Variants in COL6A6 observed in about 807,000 individuals in gnomAD.
COL6A6 encodes collagen type VI alpha 6 chain, also known as collagen alpha-6(VI) chain.
Under a neutral mutation model 208.6 loss-of-function variants are expected in COL6A6, and 183 were observed. The ratio of observed to expected loss-of-function variants is 0.88; its 90% CI spans 0.78 to 0.99. The LOEUF is 0.99. COL6A6 is among the 50% of genes least tolerant of loss of function. The probability of loss-of-function intolerance (pLI) is 0.00; values close to 1 mark genes in which losing one functional copy is unlikely to be tolerated. For synonymous variants in COL6A6, 973 were observed against 1,011.8 expected (o/e 0.96, Z 0.73); for missense variants, 2,816 against 2,815.2 (o/e 1.00, Z -0.01).
chr3:130,665,154 T>C lies in COL6A6; in HGVS notation c.6596+58T>C, dbSNP rs560369725. 8 of 1,151,978 alleles carry C rather than the reference T, an allele frequency of 6.9e-6. No individual in the cohort carries two copies. In the African/African-American group the frequency reaches 1.1e-4, roughly 16 times the overall value. The allele number at this position is 1,151,978 out of a possible 1,614,324, so 71.4% of individuals were successfully genotyped here. ...GAATGCCCCCTGCCTTTCTTCTATT[T>C]TCCTCCTCCTCCTTTTCTTGCTTTT... On this transcript the variant is annotated intron_variant, in intron 36 of 36. Transcript: ENST00000358511.
In COL6A6 at chr3:130,568,059, T is replaced by C. The variant is rs1378369836; in HGVS notation, c.1856T>C (p.Met619Thr). ...EICTEEACKE[M>T]KADIMFLVDS... ...TTTTCCTATGCAGCTTGCAAAGAGA[T>C]GAAAGCTGACATCATGTTTCTGGTG... is the stretch of plus-strand genomic sequence containing the variant. Residue 619 changes from methionine (M) to threonine (T), a missense_variant, in exon 6 of 37, where the codon ATG becomes ACG. Met to Thr is a moderately conservative substitution (Grantham distance 81). Coordinates refer to ENST00000358511, the MANE Select transcript of COL6A6 (RefSeq NM_001102608.3). The C allele has an allele frequency of 1.2e-6, 2 of 1,608,162 alleles. No individual in the cohort carries two copies. Among genetic ancestry groups the C allele is most frequent in the East Asian group, 2.2e-5 (1 of 44,856 alleles).
At chr3:130,518,145 C>T (rs899222241) in intron 1 of COL6A6, among the ~76,000 whole-genome samples, 2 of 152,116 alleles carry the variant, frequency 1.3e-5, no homozygotes, top group African/African-American at 2.4e-5. Flanking sequence ...AAAGTCTACT[C>T]TATGGATATA....
intron 21 of COL6A6, among the ~76,000 whole-genome samples, chr3:130,608,515 ATATT>A (rs2064252741): frequency 6.6e-6 from 1 of 152,112 alleles, no homozygotes; most frequent in Non-Finnish European, 1.5e-5. Flanking sequence ...TTGAATATAA[ATATT>A]AATATAATCG....
At position 130,594,287 on chromosome 3, in the gene COL6A6, C is replaced by T; in HGVS notation, c.4477C>T (p.Pro1493Ser). 1.9e-6 allele frequency: 3 copies of T among 1,611,856 alleles called. No individual in the cohort carries two copies. The South Asian group carries it at 3.3e-5, about 18-fold the overall frequency. ...EKGDEGSQGS[P>S]GKRGTPGDRG... The stretch of plus-strand genomic sequence containing the variant: ...TGATTTGTATTAACTTTAGGGAAGC[C>T]CAGGGAAGAGAGGGACTCCTGGTGA... The change falls in exon 18 of 37, where the codon CCA becomes TCA. Residue 1493 changes from proline (P) to serine (S), a missense_variant. Pro to Ser is a moderately conservative substitution (Grantham distance 74). Coordinates refer to ENST00000358511, the MANE Select transcript of COL6A6 (RefSeq NM_001102608.3).
intron 36 of COL6A6, among the ~76,000 whole-genome samples, chr3:130,667,457 TTGAACTCCTGGCCTCAGG>T (rs1256291408): frequency 6.6e-6 from 1 of 152,186 alleles, no homozygotes; most frequent in Non-Finnish European, 1.5e-5. Context: ...CAGGCTGGTC[TTGAACTCCTGGCCTCAGG>T]TGATCCACCC....
chr3:130,667,981 A>T (rs1327812099), intron 36 of COL6A6, among the ~76,000 whole-genome samples: 1 of 151,784 alleles, frequency 6.6e-6, no homozygotes, highest in Non-Finnish European at 1.5e-5. Context: ...AAAATAGGAT[A>T]AAAAAACAAC....
chr3:130,544,367 T>C (rs559075544), intron 1 of COL6A6, among the ~76,000 whole-genome samples: 1 of 152,228 alleles, frequency 6.6e-6, no homozygotes, highest in Non-Finnish European at 1.5e-5. Context: ...ATAATATTCC[T>C]CTCTCTTTCT....
At chr3:130,670,757 C>G (rs1440441344) in intron 36 of COL6A6, among the ~76,000 whole-genome samples, 3 of 152,258 alleles carry the variant, frequency 2.0e-5, no homozygotes, top group Non-Finnish European at 4.4e-5. Context: ...CTGCAACACT[C>G]TAGAGCAAGT....
rs1190046499 is a variant in COL6A6, at chr3:130,567,079, T to C, written c.1660T>C (p.Leu554=). The change falls in exon 5 of 37, where the codon TTG becomes CTG. Residue 554 remains leucine, a synonymous_variant. Transcript: ENST00000358511. ...AAATGGCATGTCCAAGGATAGCATC[T>C]TGGAGCCTGCAAACAGACTGAGAGA... ...LTNGMSKDSI[L]EPANRLREEH... 7 of 1,614,018 alleles carry C rather than the reference T, an allele frequency of 4.3e-6. No homozygotes were observed. The highest frequency in any genetic ancestry group is 5.9e-6 in the Non-Finnish European group (7 of 1,179,886).
At chr3:130,640,667 C>T (rs887898724) in intron 28 of COL6A6, among the ~76,000 whole-genome samples, 7 of 151,816 alleles carry the variant, frequency 4.6e-5, no homozygotes, top group African/African-American at 1.7e-4. Flanking sequence ...AGAAATATTC[C>T]AATTTTTAAA....
Position 130,525,438 on chromosome 3 carries a change from T to C in COL6A6, c.-32+8041T>C, listed in dbSNP as rs140408735. On this transcript the variant is annotated intron_variant, in intron 1 of 36. Transcript: ENST00000358511. ...GGGACTTGGATCTCTGTTATTGAAA[T>C]TGACTTTAGTAAATATTTTCAAAAG... 3.3e-5 allele frequency among the ~76,000 whole-genome samples: 5 copies of C among 152,350 alleles called. No homozygotes were observed. The East Asian group carries it at 5.8e-4, about 18-fold the overall frequency.
intron 3 of COL6A6, among the ~76,000 whole-genome samples, chr3:130,564,696 T>G (rs556681218): frequency 6.6e-6 from 1 of 152,262 alleles, no homozygotes; most frequent in Non-Finnish European, 1.5e-5. Context: ...TATGGTTCAC[T>G]GAATGAATTT....
At chr3:130,521,610 A>G (rs973423382) in intron 1 of COL6A6, among the ~76,000 whole-genome samples, 2 of 152,196 alleles carry the variant, frequency 1.3e-5, no homozygotes, top group South Asian at 2.1e-4. Flanking sequence ...GGCCCTGCCC[A>G]TATTTTCCCA....
intron 23 of COL6A6, among the ~76,000 whole-genome samples, chr3:130,612,048 C>T (rs1006565860): frequency 6.6e-6 from 1 of 152,070 alleles, no homozygotes; most frequent in African/African-American, 2.4e-5. Context: ...TTTTTCTGTT[C>T]CTGTGGTAGT....
At chr3:130,636,172 A>G (rs1419210668) in intron 28 of COL6A6, among the ~76,000 whole-genome samples, 1 of 152,194 alleles carries the variant, frequency 6.6e-6, no homozygotes, top group Non-Finnish European at 1.5e-5. Context: ...TTTTAATGAG[A>G]TACATGCAGA....
chr3:130,525,417 C>T (rs1225258207), intron 1 of COL6A6, among the ~76,000 whole-genome samples: 2 of 152,196 alleles, frequency 1.3e-5, no homozygotes, highest in East Asian at 1.9e-4. Flanking sequence ...CGCTCAGGGA[C>T]TTGGATCTCT....
At chr3:130,652,999 G>A (rs961536204) in intron 33 of COL6A6, among the ~76,000 whole-genome samples, 2 of 152,218 alleles carry the variant, frequency 1.3e-5, no homozygotes, top group Admixed American at 6.5e-5. Flanking sequence ...TGTGATCACC[G>A]TCTTGGAAGT....
rs193054591 is a variant in COL6A6 at position 130,536,227 on chromosome 3, T to A, written c.-32+18830T>A. Among the ~76,000 whole-genome samples the A allele has an allele frequency of 7.2e-5, 11 of 152,330 alleles. No individual in the cohort carries two copies. The East Asian group carries it at 2.1e-3, about 29-fold the overall frequency. On this transcript the variant is annotated intron_variant, in intron 1 of 36. Transcript: ENST00000358511. ...TCTACACATAACCAAATTCTGTTCA[T>A]CCTTTAAAGTCACACTCAAGTCTCA...
At chr3:130,587,859 C>T (rs1387912306) in intron 11 of COL6A6, among the ~76,000 whole-genome samples, 1 of 152,038 alleles carries the variant, frequency 6.6e-6, no homozygotes, top group Non-Finnish European at 1.5e-5. Context: ...AGTGTTTTTA[C>T]AAAATGTGTC....
Sources: allele counts gnomAD v4.1 joint callset (sites outside exome capture counted in the v4.1 genomes callset), GRCh38; gene constraint gnomAD v4.1.1; transcripts MANE v1.5; gene names NCBI Gene and HGNC (gene_info 2026-07-23, HGNC 2026-07-21).